ANKRD36C: variants seen among roughly 807,000 people sequenced by gnomAD.
ANKRD36C encodes ankyrin repeat domain 36C.
Under a neutral mutation model 276.4 loss-of-function variants are expected in ANKRD36C, and 61 were observed. The ratio of observed to expected loss-of-function variants is 0.22; its 90% CI spans 0.18 to 0.27. The LOEUF is 0.27. ANKRD36C is among the 10% of genes least tolerant of loss of function. The pLI, the probability that ANKRD36C is intolerant of heterozygous loss-of-function variation, is 1.00. For synonymous variants in ANKRD36C, 483 were observed against 680.1 expected (o/e 0.71, Z 4.51); for missense variants, 1,447 against 2,032.3 (o/e 0.71, Z 5.54).
At chr2:95,870,016 G>A (rs1236834953) in intron 59 of ANKRD36C, among the ~76,000 whole-genome samples, 5 of 152,240 alleles carry the variant, frequency 3.3e-5, no homozygotes, top group African/African-American at 4.8e-5. Flanking sequence ...TGGGAAGCTC[G>A]AACTGGGTGG....
intron 61 of ANKRD36C, 142 bp downstream of exon 81, chr2:95,859,719 C>G (rs1381152228): frequency 1.1e-6 from 1 of 918,722 alleles, no homozygotes; most frequent in East Asian, 2.7e-5. Flanking sequence ...ATATTATATC[C>G]AATAATTTCA....
Position 95,852,199 on chromosome 2 carries a change from A to G in ANKRD36C, c.5149-3T>C, listed in dbSNP as rs757096537. 218 of 1,604,282 alleles carry G rather than the reference A, an allele frequency of 1.4e-4. 2 individuals are homozygous for G. Among genetic ancestry groups the G allele is most frequent in the Non-Finnish European group, 3.7e-5 (44 of 1,174,246 alleles). ...AGTTGATCCTGTATTTCTTGAAACT[A>G]AAACAAAGAATTTTAAAAAATTACA... is the stretch of plus-strand genomic sequence containing the variant. On this transcript the variant is annotated splice_region_variant and splice_polypyrimidine_tract_variant and intron_variant, in intron 64 of 66. Coordinates refer to ENST00000456556, the Ensembl canonical transcript of ANKRD36C.
At chr2:95,927,451 T>A in intron 26 of ANKRD36C, 42 bp from the exon 27 acceptor site, 1 of 1,604,084 alleles carries the variant, frequency 6.2e-7, no homozygotes. Flanking sequence ...CATGTACATA[T>A]GATAAATTTA....
intron 42 of ANKRD36C, among the ~76,000 whole-genome samples, chr2:95,910,022 T>C (rs1309690460): frequency 6.6e-6 from 1 of 151,352 alleles, no homozygotes; most frequent in Non-Finnish European, 1.5e-5. Flanking sequence ...AGCAGTACGA[T>C]GTGACGTCTG....
chr2:95,918,304 C>A (rs1227964778), intron 34 of ANKRD36C, among the ~76,000 whole-genome samples: 6 of 151,744 alleles, frequency 4.0e-5, no homozygotes, highest in South Asian at 2.1e-4. Flanking sequence ...CCGTGTCAAT[C>A]TCAATGTGGA....
exon 45 of ANKRD36C, chr2:95,891,835 C>A (rs754541009): frequency 5.1e-6 from 8 of 1,562,452 alleles, no homozygotes; most frequent in Non-Finnish European, 6.1e-6. Flanking sequence ...TCATTACCTT[C>A]AAGCCTGATG....
intron 58 of ANKRD36C, 90 bp downstream of exon 78, chr2:95,880,337 A>G: frequency 9.0e-7 from 1 of 1,106,566 alleles, no homozygotes. Context: ...AAATATAAAA[A>G]GTGAAATAAT....
intron 36 of ANKRD36C, 39 bp from the exon 39 acceptor site, chr2:95,916,210 A>G (rs571277047): frequency 6.2e-7 from 1 of 1,601,270 alleles, no homozygotes; most frequent in African/African-American, 1.3e-5. Flanking sequence ...TCACTCGTAA[A>G]TATGATAAAG....
intron 6 of ANKRD36C, among the ~76,000 whole-genome samples, chr2:95,971,041 G>T (rs2918854): frequency 1.3e-5 from 2 of 152,028 alleles, no homozygotes; most frequent in Admixed American, 6.6e-5. Context: ...CACAATGGAT[G>T]GCTTAATTGA....
chr2:95,952,952 C>A (rs1678235008), intron 14 of ANKRD36C, among the ~76,000 whole-genome samples: 1 of 152,240 alleles, frequency 6.6e-6, no homozygotes, highest in South Asian at 2.1e-4. Context: ...ATTATTTTTT[C>A]AATAACTAAG....
intron 58 of ANKRD36C, among the ~76,000 whole-genome samples, chr2:95,878,847 G>A (rs1051316852): frequency 6.6e-6 from 1 of 152,046 alleles, no homozygotes; most frequent in Non-Finnish European, 1.5e-5. Flanking sequence ...CAGAACCCTC[G>A]TACACCATTG....
intron 59 of ANKRD36C, among the ~76,000 whole-genome samples, chr2:95,871,184 T>C (rs1257183500): frequency 6.6e-6 from 1 of 151,962 alleles, no homozygotes; most frequent in Non-Finnish European, 1.5e-5. Flanking sequence ...AAATACCCCT[T>C]GAGAAGAGCA....
chr2:95,916,211 T>C (rs746695434), intron 36 of ANKRD36C, 40 bp from the exon 39 acceptor site: 1 of 1,600,938 alleles, frequency 6.2e-7, no homozygotes, highest in Admixed American at 1.7e-5. Context: ...CACTCGTAAA[T>C]ATGATAAAGT....
rs772598933 is a variant in ANKRD36C at position 95,929,052 on chromosome 2, G to C, written c.1837+20C>G. 38 of 1,601,482 alleles carry C rather than the reference G, an allele frequency of 2.4e-5. No individual in the cohort carries two copies. Among genetic ancestry groups the C allele is most frequent in the Non-Finnish European group, 3.1e-5 (36 of 1,177,792 alleles). On this transcript the variant is annotated intron_variant, in intron 26 of 66. Transcript: ENST00000456556. The stretch of plus-strand genomic sequence containing the variant: ...TCCATCTTGATTGAACATGACATTA[G>C]AAGTGTTTTGCAAAATTACCTGTCC...
chr2:95,891,232 C>T (rs1011405659), intron 46 of ANKRD36C, among the ~76,000 whole-genome samples: 1 of 150,650 alleles, frequency 6.6e-6, no homozygotes, highest in Non-Finnish European at 1.5e-5. Context: ...AAAATAGTTG[C>T]TACACCAGGG....
chr2:95,887,904 A>G, intron 50 of ANKRD36C, 21 bp downstream of exon 70: 2 of 1,568,032 alleles, frequency 1.3e-6, no homozygotes, highest in African/African-American at 1.4e-5. Context: ...ACATGACATT[A>G]AATGTGTTTT....
chr2:95,879,508 A>G (rs903749278), intron 58 of ANKRD36C, among the ~76,000 whole-genome samples: 15 of 151,316 alleles, frequency 9.9e-5, no homozygotes, highest in Non-Finnish European at 1.9e-4. Flanking sequence ...CCCATTAACC[A>G]TGGTGTCATT....
chr2:95,891,472 A>G (rs1286826596), intron 46 of ANKRD36C, among the ~76,000 whole-genome samples, 193 bp downstream of exon 66: 2 of 151,442 alleles, frequency 1.3e-5, no homozygotes, highest in Non-Finnish European at 3.0e-5. Flanking sequence ...GGGGAAGTGT[A>G]TACTCTTACT....
In ANKRD36C at chr2:95,857,532, G is replaced by C. The variant is rs571826253; in HGVS notation, c.3897-40C>G. 5.1e-5 allele frequency: 77 copies of C among 1,514,580 alleles called. No individual in the cohort carries two copies. In the African/African-American group the frequency reaches 8.8e-4, roughly 17 times the overall value. The allele number at this position is 1,514,580 out of a possible 1,614,324, so 93.8% of individuals were successfully genotyped here. A position where few individuals can be genotyped will look rare whatever the true frequency, so the allele number is the denominator to read the frequency against. On this transcript the variant is annotated intron_variant, in intron 61 of 66. Transcript: ENST00000456556. The stretch of plus-strand genomic sequence containing the variant: ...ATCTTAGAATTTATCTTATCAGTGA[G>C]GACTAAGCTCTAATTTTTTATCTTA...
Sources: gnomAD v4.1 joint callset for allele counts (sites outside exome capture counted in the v4.1 genomes callset) on GRCh38, gnomAD v4.1.1 for gene constraint, MANE v1.5 for transcripts, NCBI Gene and HGNC (gene_info 2026-07-23, HGNC 2026-07-21) for gene names.